NEBL: variants seen among roughly 807,000 people sequenced by gnomAD.
NEBL encodes LIM and SH3 protein 2.
NEBL carries 122 observed loss-of-function variants against 140.2 expected under a neutral mutation model. That is an observed-to-expected ratio of 0.87 (90% CI 0.75 to 1.01). The LOEUF (loss-of-function observed/expected upper bound fraction) is 1.01, where lower values mean the gene tolerates loss of function less well. NEBL is among the 50% of genes least tolerant of loss of function. The pLI, the probability that NEBL is intolerant of heterozygous loss-of-function variation, is 0.00. For missense variants in NEBL, 1,365 were observed against 1,231.3 expected, an observed-to-expected ratio of 1.11 and a Z score of -1.62; for synonymous variants, 436 against 398.9, an observed-to-expected ratio of 1.09 and a Z score of -1.11.
chr10:21,076,046 T>G (rs1174264242), intron 2 of NEBL, among the ~76,000 whole-genome samples: 2 of 152,046 alleles, frequency 1.3e-5, no homozygotes, highest in Admixed American at 6.6e-5. Flanking sequence ...AGGGTCTTGG[T>G]GAGGATGTGG....
At chr10:20,938,468 A>G (rs1834638965) in intron 4 of NEBL, among the ~76,000 whole-genome samples, 1 of 152,258 alleles carries the variant, frequency 6.6e-6, no homozygotes, top group Non-Finnish European at 1.5e-5. Flanking sequence ...CCAAAGGTAG[A>G]TAAAACCACA....
chr10:21,222,936 T>C (rs1194081161), intron 3 of NEBL, among the ~76,000 whole-genome samples: 1 of 152,236 alleles, frequency 6.6e-6, no homozygotes, highest in African/African-American at 2.4e-5. Context: ...CTAATTTTTG[T>C]ATTTTTAGTA....
intron 1 of NEBL, among the ~76,000 whole-genome samples, chr10:21,266,446 T>C (rs1842797906): frequency 6.6e-6 from 1 of 152,192 alleles, no homozygotes; most frequent in South Asian, 2.1e-4. Flanking sequence ...ATACAGCTCA[T>C]TACTCACGGT....
At chr10:20,963,003 A>C (rs45480806) in intron 3 of NEBL, among the ~76,000 whole-genome samples, 214 of 143,314 alleles carry the variant, frequency 1.5e-3, no homozygotes, top group Non-Finnish European at 2.3e-3. Flanking sequence ...TTGAAAGAAA[A>C]ACACACACAC....
At chr10:20,801,314 G>T (rs1332456017) in intron 26 of NEBL, among the ~76,000 whole-genome samples, 1 of 152,020 alleles carries the variant, frequency 6.6e-6, no homozygotes, top group African/African-American at 2.4e-5. Context: ...CTGGGTTCAA[G>T]CGATTCTCAT....
chr10:21,186,358 C>T (rs981023214), intron 3 of NEBL, among the ~76,000 whole-genome samples: 5 of 150,948 alleles, frequency 3.3e-5, no homozygotes, highest in Non-Finnish European at 5.9e-5. Flanking sequence ...TAATGGTATT[C>T]GGAAGTGGGA....
chr10:21,280,594 T>C (rs945475514), intron 1 of NEBL, among the ~76,000 whole-genome samples: 27 of 149,654 alleles, frequency 1.8e-4, no homozygotes, highest in Non-Finnish European at 3.4e-4. Flanking sequence ...AGGGGCATTG[T>C]AGGTATTTTT....
intron 26 of NEBL, among the ~76,000 whole-genome samples, chr10:20,805,401 T>C (rs927774717): frequency 7.9e-5 from 12 of 152,206 alleles, no homozygotes; most frequent in Non-Finnish European, 4.4e-5. Context: ...TGGGCACATG[T>C]CACTTGTGTT....
At position 21,272,118 on chromosome 10, in the gene NEBL, A is replaced by ATTTTTTTTTTTTTTT. The variant is rs10678454; in HGVS notation, n.183-20305_183-20291dup. Among the ~76,000 whole-genome samples, 4 of 79,100 alleles carry ATTTTTTTTTTTTTTT rather than the reference A, an allele frequency of 5.1e-5. 1 individual carries two copies. Among genetic ancestry groups the ATTTTTTTTTTTTTTT allele is most frequent in the African/African-American group, 1.7e-4 (3 of 17,656 alleles). The allele number at this position is 79,100 out of a possible 152,430, so 51.9% of individuals were successfully genotyped here. ...AGGCACCCGCCACCACACTTGGTTA[A>ATTTTTTTTTTTTTTT]TTTTTTTTTTTTTTTTTTTTTTTTT... On this transcript the variant is annotated intron_variant and non_coding_transcript_variant, in intron 1 of 8. Coordinates refer to the NEBL transcript ENST00000675702.
intron 2 of NEBL, among the ~76,000 whole-genome samples, chr10:21,073,153 A>T (rs1249599462): frequency 6.6e-6 from 1 of 152,058 alleles, no homozygotes; most frequent in Admixed American, 6.6e-5. Context: ...GTACTCCCCA[A>T]CCCTGGAAAA....
At chr10:20,880,224 G>A (rs868271351) in intron 5 of NEBL, among the ~76,000 whole-genome samples, 50 of 152,262 alleles carry the variant, frequency 3.3e-4, no homozygotes, top group African/African-American at 1.1e-3. Context: ...AGGCCGGTGT[G>A]GTGGTGGGCA....
chr10:20,816,523 T>G (rs1475166295), intron 21 of NEBL, among the ~76,000 whole-genome samples: 1 of 152,158 alleles, frequency 6.6e-6, no homozygotes, highest in African/African-American at 2.4e-5. Flanking sequence ...TCTAAATATA[T>G]GGGGGAAAGA....
chr10:20,891,457 T>C (rs1486462389), intron 2 of NEBL, among the ~76,000 whole-genome samples: 1 of 152,154 alleles, frequency 6.6e-6, no homozygotes, highest in Non-Finnish European at 1.5e-5. Flanking sequence ...TGAGAGAAAA[T>C]AGCCTATCAT....
chr10:20,889,566 T>C (rs1377979238), intron 3 of NEBL, among the ~76,000 whole-genome samples: 1 of 152,128 alleles, frequency 6.6e-6, no homozygotes, highest in Non-Finnish European at 1.5e-5. Context: ...ACTTATTTAA[T>C]AAAAAGATGC....
At chr10:20,787,122 A>G in intron 27 of NEBL, 80 bp downstream of exon 27, 1 of 1,059,514 alleles carries the variant, frequency 9.4e-7, no homozygotes, top group Non-Finnish European at 1.4e-6. Context: ...ATTCAATTCA[A>G]CTCTATTCCA....
In NEBL at chr10:20,927,888, C is replaced by T. The variant is rs962152039; in HGVS notation, c.357+33784G>A. Among the ~76,000 whole-genome samples the T allele has an allele frequency of 5.3e-5, 8 of 152,254 alleles. No individual in the cohort carries two copies. The East Asian group carries it at 5.8e-4, about 11-fold the overall frequency. On this transcript the variant is annotated intron_variant, in intron 4 of 6. Transcript: ENST00000417816. ...CACGACCAAGTATACACATAAAATA[C>T]GAAGCTTTCATCCTGTAAGATAGTG...
chr10:20,856,498 G>T (rs1404429873), intron 9 of NEBL, among the ~76,000 whole-genome samples: 1 of 152,190 alleles, frequency 6.6e-6, no homozygotes, highest in Non-Finnish European at 1.5e-5. Context: ...CTGCCATGAT[G>T]AAAACTGGAT....
rs192490605 is a variant in NEBL, at chr10:21,034,487, A to C, written c.165-14286T>G. Among the ~76,000 whole-genome samples, 209 of 152,292 alleles carry C rather than the reference A, an allele frequency of 1.4e-3. 1 individual carries two copies. Among genetic ancestry groups the C allele is most frequent in the African/African-American group, 4.8e-3 (198 of 41,560 alleles). On this transcript the variant is annotated intron_variant, in intron 2 of 6. Transcript: ENST00000417816. ...CAGTAACGCAGGCACCTGTTGCCAG[A>C]CATCCTAGAGCACAGGATAAGCCTC...
intron 2 of NEBL, among the ~76,000 whole-genome samples, chr10:21,141,837 G>C (rs1006144102): frequency 2.6e-5 from 4 of 152,192 alleles, no homozygotes; most frequent in African/African-American, 9.7e-5. Context: ...AAGCATGTGA[G>C]ATGTTCACGG....
Sources: gnomAD v4.1 joint callset for allele counts (sites outside exome capture counted in the v4.1 genomes callset) on GRCh38, gnomAD v4.1.1 for gene constraint, MANE v1.5 for transcripts, NCBI Gene and HGNC (gene_info 2026-07-23, HGNC 2026-07-21) for gene names.